The following TFAP2B variants were observed in gnomAD, a reference collection of about 807,000 sequenced individuals.
TFAP2B encodes transcription factor AP-2-beta.
In TFAP2B, 9 loss-of-function variants were observed where a neutral mutation model predicts 44.3. The observed-to-expected ratio is 0.20, with a 90% CI of 0.12 to 0.35. The LOEUF is 0.35. TFAP2B is among the 10% of genes least tolerant of loss of function. TFAP2B has a pLI of 1.00. For synonymous variants in TFAP2B, 270 were observed against 263.8 expected (o/e 1.02, Z -0.23); for missense variants, 509 against 600.0 (o/e 0.85, Z 1.59).
chr6:50,824,272 G>C lies in TFAP2B; in HGVS notation c.540+407G>C, dbSNP rs1214037800. 4.6e-5 allele frequency among the ~76,000 whole-genome samples: 7 copies of C among 152,332 alleles called. No individual in the cohort carries two copies. The East Asian group carries it at 1.2e-3, about 25-fold the overall frequency. ...CACCCCATAGTGGGGCTGTCCTGCT[G>C]ACTTGGCAGGTGAAGACCTGGCTGC... On this transcript the variant is annotated intron_variant, in intron 2 of 6. Transcript: ENST00000393655.
intron 4 of TFAP2B, among the ~76,000 whole-genome samples, chr6:50,837,153 CAA>C (rs1346780680): frequency 1.3e-5 from 2 of 152,206 alleles, no homozygotes; most frequent in African/African-American, 4.8e-5. Context: ...AATAGTACAG[CAA>C]AAGAGATTAC....
Position 50,823,701 on chromosome 6 carries a change from C to G in TFAP2B, c.376C>G (p.Arg126Gly). 2 of 1,613,560 alleles carry G rather than the reference C, an allele frequency of 1.2e-6. No homozygotes were observed. The highest frequency in any genetic ancestry group is 1.7e-6 in the Non-Finnish European group (2 of 1,179,786). The change falls in exon 2 of 7, where the codon CGG becomes GGG. Residue 126 changes from arginine to glycine, a missense_variant. Physicochemically the swap from Arg to Gly is moderately radical, Grantham distance 125. Coordinates refer to ENST00000393655, the MANE Select transcript of TFAP2B (RefSeq NM_003221.4). ...SEAGSLLPQP[R>G]AALPQLSGLD... ...AGCCGGCTCTCTCCTGCCCCAGCCT[C>G]GGGCCGCCTTGCCCCAGCTCTCGGG...
intron 1 of TFAP2B, chr6:50,822,259 GTC>G (rs1333417708): frequency 2.9e-6 from 3 of 1,047,802 alleles, no homozygotes; most frequent in South Asian, 2.7e-5. Flanking sequence ...CACACTCTCT[GTC>G]TCTCTCTGTC....
At chr6:50,818,569 C>T (rs1427317798), upstream of TFAP2B, among the ~76,000 whole-genome samples, 2 of 152,234 alleles carry the variant, frequency 1.3e-5, no homozygotes, top group African/African-American at 2.4e-5. Context: ...CCCTGAACAA[C>T]TCTTTGTTAA....
chr6:50,819,095 CT>C, intron 1 of TFAP2B, 123 bp downstream of exon 1: 6 of 956,640 alleles, frequency 6.3e-6, no homozygotes, highest in Non-Finnish European at 8.1e-6. Flanking sequence ...GTTTTCTCAG[CT>C]TTTTTTAACT....
intron 2 of TFAP2B, among the ~76,000 whole-genome samples, chr6:50,827,610 TATAA>T (rs1422327750): frequency 1.3e-5 from 2 of 152,208 alleles, no homozygotes; most frequent in Non-Finnish European, 2.9e-5. Context: ...TTTACTTCTC[TATAA>T]AGTGGGTAAC....
intron 6 of TFAP2B, among the ~76,000 whole-genome samples, chr6:50,841,919 T>C (rs542269313): frequency 1.6e-4 from 25 of 152,318 alleles, no homozygotes; most frequent in South Asian, 8.3e-4. Context: ...GACTGGGTGG[T>C]ATTCCTCATC....
intron 1 of TFAP2B, among the ~76,000 whole-genome samples, chr6:50,822,890 C>T (rs1770392520): frequency 6.6e-6 from 1 of 152,176 alleles, no homozygotes; most frequent in Non-Finnish European, 1.5e-5. Context: ...GCTGCATTTC[C>T]AGCGAAGGCA....
rs1770594722 is a variant in TFAP2B, at chr6:50,828,744, T to C, written c.601+65T>C. 3 of 1,557,030 alleles carry C rather than the reference T, an allele frequency of 1.9e-6. No homozygotes were observed. The Admixed American group carries it at 5.0e-5, about 26-fold the overall frequency. On this transcript the variant is annotated intron_variant, in intron 3 of 6. Transcript: ENST00000393655. ...CATGCATTAACGTCTTTATGATGAA[T>C]TTTCACTTTGGGGGAATTCATTATT... is the stretch of plus-strand genomic sequence containing the variant.
chr6:50,840,446 G>A, intron 6 of TFAP2B, 149 bp downstream of exon 6: 1 of 964,372 alleles, frequency 1.0e-6, no homozygotes, highest in South Asian at 1.3e-5. Flanking sequence ...GGTAGGCAGA[G>A]TTGATGGGCT....
chr6:50,827,739 C>A (rs542659009), intron 2 of TFAP2B, among the ~76,000 whole-genome samples: 1 of 152,196 alleles, frequency 6.6e-6, no homozygotes, highest in African/African-American at 2.4e-5. Flanking sequence ...TTTTGGACGC[C>A]CTGGGATGCA....
In TFAP2B at chr6:50,843,476, G is replaced by T. The variant is rs1478458761; in HGVS notation, c.*84G>T. On this transcript the variant is annotated 3_prime_UTR_variant, in exon 7 of 7. Coordinates refer to ENST00000393655, the MANE Select transcript of TFAP2B (RefSeq NM_003221.4). ...ATTTAATTTTAGCTTTAAAATATTG[G>T]ATTGGCTTTGGAAGAATTATATTAG... The T allele has an allele frequency of 3.6e-6, 5 of 1,394,026 alleles. No individual in the cohort carries two copies. In the African/African-American group the frequency reaches 4.4e-5, roughly 12 times the overall value. 86.4% of individuals were successfully genotyped at this position (1,394,026 alleles called of 1,614,324 possible).
intron 6 of TFAP2B, among the ~76,000 whole-genome samples, chr6:50,841,716 T>C (rs1299344001): frequency 1.3e-5 from 2 of 152,140 alleles, no homozygotes; most frequent in African/African-American, 4.8e-5. Context: ...CCTGGGAGTG[T>C]GTGTTTGAAC....
chr6:50,826,794 G>A (rs1770520983), intron 2 of TFAP2B, among the ~76,000 whole-genome samples: 1 of 151,974 alleles, frequency 6.6e-6, no homozygotes, highest in Admixed American at 6.5e-5. Flanking sequence ...AGGATGTTAA[G>A]CCAACTCCCC....
chr6:50,837,669 C>T (rs1004093571), intron 4 of TFAP2B, among the ~76,000 whole-genome samples: 8 of 152,130 alleles, frequency 5.3e-5, no homozygotes, highest in African/African-American at 1.4e-4. Flanking sequence ...GGAACATGCA[C>T]GTGCATGTGC....
At position 50,845,561 on chromosome 6, in the gene TFAP2B, C is replaced by CGG. The variant is rs1465591933; in HGVS notation, c.*2170_*2171dup. ...TGCAATGGCCAAGAGCTAGACGTTACGGAGAGTGTAGTCACTCTCTTTTCC... is the reference window on the plus strand; with the variant it reads ...TGCAATGGCCAAGAGCTAGACGTTACGGGGAGAGTGTAGTCACTCTCTTTTCC... On this transcript the variant is annotated 3_prime_UTR_variant, in exon 7 of 7. Coordinates refer to ENST00000393655, the MANE Select transcript of TFAP2B (RefSeq NM_003221.4). 6.5e-6 allele frequency: 1 copy of CGG among 152,704 alleles called. No individual in the cohort carries two copies. Among genetic ancestry groups the CGG allele is most frequent in the Non-Finnish European group, 1.5e-5 (1 of 68,132 alleles). 9.5% of individuals were successfully genotyped at this position (152,704 alleles called of 1,614,324 possible).
Position 50,843,587 on chromosome 6 carries a change from C to T in TFAP2B, c.*195C>T. The T allele has an allele frequency of 3.2e-6, 2 of 624,834 alleles. No individual in the cohort carries two copies. Among genetic ancestry groups the T allele is most frequent in the Non-Finnish European group, 5.4e-6 (2 of 373,526 alleles). 38.7% of individuals were successfully genotyped at this position (624,834 alleles called of 1,614,324 possible). On this transcript the variant is annotated 3_prime_UTR_variant, in exon 7 of 7. Coordinates refer to ENST00000393655, the MANE Select transcript of TFAP2B (RefSeq NM_003221.4). ...GAGGCGTACAACGGAGCAACAATAT[C>T]GGTTCTCAGTGTCTATTTCAAGATA...
chr6:50,838,148 A>G, intron 5 of TFAP2B, 55 bp downstream of exon 5: 1 of 1,293,470 alleles, frequency 7.7e-7, no homozygotes, highest in Non-Finnish European at 1.1e-6. Context: ...TGTCGGCTGG[A>G]GGCTGACATT....
At position 50,823,705 on chromosome 6, in the gene TFAP2B, C is replaced by T; in HGVS notation, c.380C>T (p.Ala127Val). The T allele has an allele frequency of 6.2e-7, 1 of 1,613,382 alleles. No individual in the cohort carries two copies. The highest frequency in any genetic ancestry group is 1.3e-5 in the African/African-American group (1 of 75,054). ...GGCTCTCTCCTGCCCCAGCCTCGGG[C>T]CGCCTTGCCCCAGCTCTCGGGCCTT... is the stretch of plus-strand genomic sequence containing the variant. ...EAGSLLPQPR[A>V]ALPQLSGLDP... The change falls in exon 2 of 7, where the codon GCC (alanine) becomes GTC (valine). Residue 127 changes from alanine (A) to valine (V), a missense_variant. Ala to Val is a moderately conservative substitution (Grantham distance 64, BLOSUM62 0). This residue lies in a region of TFAP2B where 296 missense variants were observed against 308.2 expected (regional missense o/e 0.96). Transcript: ENST00000393655.
Sources: allele counts gnomAD v4.1 joint callset (sites outside exome capture counted in the v4.1 genomes callset), GRCh38; gene constraint gnomAD v4.1.1; regional missense constraint gnomAD v4.1.1; transcripts MANE v1.5; gene names NCBI Gene and HGNC (gene_info 2026-07-23, HGNC 2026-07-21).